TMTC2: variants seen among roughly 807,000 people sequenced by gnomAD.
TMTC2 encodes protein O-mannosyl-transferase TMTC2.
A neutral mutation model predicts 82.4 loss-of-function variants in TMTC2; 43 were observed. The ratio of observed to expected loss-of-function variants is 0.52; its 90% CI spans 0.41 to 0.67. TMTC2 has a LOEUF of 0.67. TMTC2 is among the 30% of genes least tolerant of loss of function. TMTC2 has a pLI of 0.00. For missense variants in TMTC2, 919 were observed against 1,012.4 expected (o/e 0.91, Z 1.25); for synonymous variants, 408 against 381.9 (o/e 1.07, Z -0.80).
chr12:83,031,434 TAAC>T (rs1310996521), intron 9 of TMTC2, among the ~76,000 whole-genome samples: 2 of 152,124 alleles, frequency 1.3e-5, no homozygotes, highest in African/African-American at 4.8e-5. Flanking sequence ...TGAGGCTACA[TAAC>T]AACTCTGTCA....
At chr12:83,112,105 A>G (rs566852747) in intron 11 of TMTC2, among the ~76,000 whole-genome samples, 14 of 152,012 alleles carry the variant, frequency 9.2e-5, no homozygotes, top group Admixed American at 6.6e-4. Context: ...GACCCTGTCT[A>G]AAAAAAAGAC....
intron 8 of TMTC2, among the ~76,000 whole-genome samples, chr12:83,002,837 T>TAAG (rs1297349580): frequency 1.3e-5 from 2 of 152,132 alleles, no homozygotes; most frequent in African/African-American, 4.8e-5. Flanking sequence ...TGGTCGCTCT[T>TAAG]AGAGTATGTT....
At chr12:82,997,097 C>A (rs7133958) in intron 8 of TMTC2, among the ~76,000 whole-genome samples, 14,724 of 149,838 alleles carry the variant, frequency 0.098, 1,239 homozygotes, top group African/African-American at 0.23. Context: ...ACTCCACTCT[C>A]TCTCTGCTGA....
intron 11 of TMTC2, among the ~76,000 whole-genome samples, chr12:83,126,497 G>T (rs1046546195): frequency 1.3e-5 from 2 of 152,102 alleles, no homozygotes; most frequent in African/African-American, 4.8e-5. Context: ...AATCTGTACT[G>T]CTACCTATTT....
intron 11 of TMTC2, among the ~76,000 whole-genome samples, chr12:83,077,054 A>G (rs577998109): frequency 1.5e-4 from 23 of 152,354 alleles, no homozygotes; most frequent in African/African-American, 5.3e-4. Flanking sequence ...GAGAGGGGTC[A>G]AGACTATTGT....
intron 1 of TMTC2, among the ~76,000 whole-genome samples, chr12:82,839,910 T>A (rs962813861): frequency 6.6e-6 from 1 of 152,232 alleles, no homozygotes; most frequent in African/African-American, 2.4e-5. Context: ...ATCATTCTTG[T>A]GCTCTTAGAT....
Position 82,963,838 on chromosome 12 carries a change from T to C in TMTC2, c.1599-1186T>C, listed in dbSNP as rs1442220117. Among the ~76,000 whole-genome samples, 8 of 124,900 alleles carry C rather than the reference T, an allele frequency of 6.4e-5. 1 individual carries two copies. Among genetic ancestry groups the C allele is most frequent in the Admixed American group, 1.7e-4 (2 of 11,988 alleles). The allele number at this position is 124,900 out of a possible 152,430, so 81.9% of individuals were successfully genotyped here. A position where few individuals can be genotyped will look rare whatever the true frequency, so the allele number is the denominator to read the frequency against. On this transcript the variant is annotated intron_variant, in intron 4 of 11. Coordinates refer to ENST00000321196, the MANE Select transcript of TMTC2 (RefSeq NM_152588.3). ...ATATATATATATATATATATATATA[T>C]ATATATATATATGTGAAAGTGATCT...
chr12:83,098,249 G>A (rs1884098162), intron 11 of TMTC2, among the ~76,000 whole-genome samples: 1 of 152,186 alleles, frequency 6.6e-6, no homozygotes, highest in Admixed American at 6.5e-5. Flanking sequence ...CTTCATGTTA[G>A]TTATTACATT....
intron 11 of TMTC2, among the ~76,000 whole-genome samples, chr12:83,099,690 G>GA (rs921577842): frequency 1.3e-5 from 2 of 151,342 alleles, no homozygotes; most frequent in African/African-American, 2.4e-5. Flanking sequence ...TTCATCACTT[G>GA]AAAAAAATCA....
chr12:82,896,508 C>A lies in TMTC2; in HGVS notation c.1345C>A (p.Arg449=). ...AGCCCTTTATGTCAAAGTCCAAAAG[C>A]GGTTCCTCAAGAGCTTGATTTTTTA... The part of the protein sequence containing the change: ...ARALYVKVQK[R]FLKSLIFYAT... Residue 449 remains arginine, a synonymous_variant, in exon 3 of 12, where the codon CGG becomes AGG. Transcript: ENST00000321196. The A allele has an allele frequency of 6.2e-7, 1 of 1,614,122 alleles. No individual in the cohort carries two copies. Among genetic ancestry groups the A allele is most frequent in the South Asian group, 1.1e-5 (1 of 91,086 alleles).
chr12:83,065,110 G>A (rs1882871897), intron 11 of TMTC2, among the ~76,000 whole-genome samples: 1 of 151,864 alleles, frequency 6.6e-6, no homozygotes, highest in South Asian at 2.1e-4. Flanking sequence ...TTCATGTCAG[G>A]TCACTACTAT....
chr12:82,897,676 C>A (rs1873751513), intron 3 of TMTC2, among the ~76,000 whole-genome samples: 1 of 152,036 alleles, frequency 6.6e-6, no homozygotes, highest in Non-Finnish European at 1.5e-5. Flanking sequence ...CAGGCGCCCA[C>A]CACCACACCT....
chr12:82,815,165 C>CT (rs773702402), intron 1 of TMTC2, among the ~76,000 whole-genome samples: 3,212 of 142,004 alleles, frequency 0.023, 117 homozygotes, highest in African/African-American at 0.076. Flanking sequence ...TTCTTTTATT[C>CT]TTTTTTTTTT....
chr12:82,994,079 C>G (rs1222507620), intron 8 of TMTC2, among the ~76,000 whole-genome samples: 2 of 152,070 alleles, frequency 1.3e-5, no homozygotes, highest in Non-Finnish European at 2.9e-5. Flanking sequence ...TGCCCTCTAC[C>G]CCTGTTTCTG....
chr12:82,890,897 G>A (rs1255699916), intron 2 of TMTC2, among the ~76,000 whole-genome samples: 1 of 152,100 alleles, frequency 6.6e-6, no homozygotes, highest in African/African-American at 2.4e-5. Flanking sequence ...CTTTTCTAAT[G>A]CTCCCTATCA....
In TMTC2 at chr12:82,743,412, A is replaced by T. The variant is rs192246877; in HGVS notation, c.83+55743A>T. 4.7e-3 allele frequency among the ~76,000 whole-genome samples: 715 copies of T among 150,766 alleles called. 2 individuals carry two copies. Among genetic ancestry groups the T allele is most frequent in the Admixed American group, 0.011 (163 of 14,940 alleles). On this transcript the variant is annotated intron_variant, in intron 1 of 11. Coordinates refer to ENST00000321196, the MANE Select transcript of TMTC2 (RefSeq NM_152588.3). ...CAGTGAGCCAATATCACACAACTGC[A>T]CTCCAACCTGGGCTACAGAGCGAGA...
At chr12:83,018,471 G>C (rs1337260950) in intron 8 of TMTC2, among the ~76,000 whole-genome samples, 1 of 152,194 alleles carries the variant, frequency 6.6e-6, no homozygotes, top group Non-Finnish European at 1.5e-5. Flanking sequence ...AACACCCATT[G>C]TAGTTACAGC....
At chr12:82,830,863 T>G (rs941536834) in intron 1 of TMTC2, among the ~76,000 whole-genome samples, 1 of 152,162 alleles carries the variant, frequency 6.6e-6, no homozygotes, top group Non-Finnish European at 1.5e-5. Context: ...AAGTTTTAAA[T>G]GTATACCAAA....
intron 3 of TMTC2, among the ~76,000 whole-genome samples, chr12:82,912,944 A>G (rs567046717): frequency 6.9e-4 from 104 of 151,542 alleles, no homozygotes; most frequent in African/African-American, 2.2e-3. Flanking sequence ...TGTCTGAAAA[A>G]AAAAAAAAAA....
Sources: gnomAD v4.1 joint callset for allele counts (sites outside exome capture counted in the v4.1 genomes callset) on GRCh38, gnomAD v4.1.1 for gene constraint, MANE v1.5 for transcripts, NCBI Gene and HGNC (gene_info 2026-07-23, HGNC 2026-07-21) for gene names.